RIF1: variants seen among roughly 807,000 people sequenced by gnomAD.
RIF1 encodes replication timing regulatory factor 1, also known as telomere-associated protein RIF1.
RIF1 carries 45 observed loss-of-function variants against 247.1 expected under a neutral mutation model. That is an observed-to-expected ratio of 0.18 (90% CI 0.14 to 0.23). The LOEUF is 0.23. Among genes scored for constraint, RIF1 ranks in the 10% least tolerant of loss-of-function variants. The probability of loss-of-function intolerance (pLI) is 1.00; values close to 1 mark genes in which losing one functional copy is unlikely to be tolerated. For missense variants in RIF1, 2,967 were observed against 2,862.5 expected, an observed-to-expected ratio of 1.04 and a Z score of -0.83; for synonymous variants, 1,087 against 978.8, an observed-to-expected ratio of 1.11 and a Z score of -2.06.
intron 15 of RIF1, 65 bp from the exon 16 acceptor site, chr2:151,441,840 A>G: frequency 1.4e-6 from 1 of 704,830 alleles, no homozygotes. Flanking sequence ...TATAGTTAAC[A>G]CTCAGATTTT....
At chr2:151,492,018 C>T in intron 9 of RIF1, 2 of 1,417,742 alleles carry the variant, frequency 1.4e-6, no homozygotes, top group South Asian at 2.5e-5. Context: ...TATGTTTTGA[C>T]TTGATGTAGG....
At chr2:151,473,152 T>C (rs1446066655) in intron 34 of RIF1, among the ~76,000 whole-genome samples, 1 of 152,214 alleles carries the variant, frequency 6.6e-6, no homozygotes, top group Non-Finnish European at 1.5e-5. Context: ...ATTTCATTTC[T>C]CTTGTATATA....
chr2:151,426,830 A>G (rs933255356), intron 8 of RIF1, among the ~76,000 whole-genome samples: 1 of 151,270 alleles, frequency 6.6e-6, no homozygotes, highest in Non-Finnish European at 1.5e-5. Context: ...TATTTTTAGT[A>G]GAGATGGGGT....
chr2:151,528,484 T>G, the RIF1 span, among the ~76,000 whole-genome samples: 1 of 152,228 alleles, frequency 6.6e-6, no homozygotes, highest in Non-Finnish European at 1.5e-5. Context: ...TACGTTTTAC[T>G]GCATTTGCTT....
intron 19 of RIF1, among the ~76,000 whole-genome samples, chr2:151,445,809 G>T (rs1371626131): frequency 2.6e-5 from 4 of 152,160 alleles, no homozygotes; most frequent in African/African-American, 9.7e-5. Context: ...AAAGTGCTGG[G>T]ATTACAGGCG....
intron 12 of RIF1, chr2:151,505,641 T>C: frequency 1.5e-6 from 2 of 1,298,276 alleles, no homozygotes; most frequent in Middle Eastern, 2.1e-4. Context: ...AACATGTACA[T>C]GTTTTTTGTA....
intron 24 of RIF1, among the ~76,000 whole-genome samples, chr2:151,458,607 T>G: frequency 6.6e-6 from 1 of 152,078 alleles, no homozygotes; most frequent in Non-Finnish European, 1.5e-5. Context: ...ATGATAAAAA[T>G]TTGGAATTCA....
Position 151,464,336 on chromosome 2 carries a change from G to A in RIF1, c.4816G>A (p.Ala1606Thr), listed in dbSNP as rs541812935. ...KAENQSHDYK[A>T]TSEEDVSIKS... ...TGAAAATCAGTCACATGATTATAAA[G>A]CAACTTCTGAAGAAGATGTAAGCAT... Residue 1606 changes from alanine (A) to threonine (T), a missense_variant, in exon 30 of 36, where the codon GCA becomes ACA. Physicochemically the swap from Ala to Thr is moderately conservative, Grantham distance 58. This residue lies in a region of RIF1 where 2,028 missense variants were observed against 1,825.6 expected (regional missense o/e 1.11). Transcript: ENST00000444746. 6.2e-7 allele frequency: 1 copy of A among 1,610,602 alleles called. No individual in the cohort carries two copies. Among genetic ancestry groups the A allele is most frequent in the South Asian group, 1.1e-5 (1 of 90,110 alleles).
chr2:151,455,169 T>G lies in RIF1; in HGVS notation c.2609+10T>G. ...TTTATGAAAACTCAAAGTAAGTATT[T>G]TGGACTAAGTAGCTTTGAATTAAAT... On this transcript the variant is annotated intron_variant, in intron 22 of 35. Coordinates refer to ENST00000444746, the MANE Select transcript of RIF1 (RefSeq NM_018151.5). 2 of 1,591,044 alleles carry G rather than the reference T, an allele frequency of 1.3e-6. No individual in the cohort carries two copies. The highest frequency in any genetic ancestry group is 1.7e-6 in the Non-Finnish European group (2 of 1,166,232).
rs1696662034 is a variant in RIF1, at chr2:151,464,764, G to A, written c.5244G>A (p.Gly1748=). Residue 1748 remains glycine, a synonymous_variant, in exon 30 of 36, where the codon GGG becomes GGA. Coordinates refer to ENST00000444746, the MANE Select transcript of RIF1 (RefSeq NM_018151.5). ...KSQPQEKSLI[G]LKNTENNDVE... is the part of the protein sequence containing the mutation. ...AACCTCAGGAAAAGTCACTCATTGG[G>A]TTAAAGAATACAGAAAATAATGACG... 6.2e-7 allele frequency: 1 copy of A among 1,613,918 alleles called. No homozygotes were observed. Among genetic ancestry groups the A allele is most frequent in the Non-Finnish European group, 8.5e-7 (1 of 1,179,932 alleles).
At position 151,464,893 on chromosome 2, in the gene RIF1, T is replaced by C. The variant is rs1468684787; in HGVS notation, c.5373T>C (p.His1791=). The part of the protein sequence containing the change: ...PYSEGQFLDE[H]HSVNFHLGLK... ...CTGAAGGACAATTTTTAGATGAACA[T>C]CATAGTGTGAATTTTCATTTGGGTC... The change falls in exon 30 of 36, where the codon CAT becomes CAC. Residue 1791 remains histidine (H), a synonymous_variant. Transcript: ENST00000444746. 1 of 1,586,378 alleles carries C rather than the reference T, an allele frequency of 6.3e-7. No homozygotes were observed. The highest frequency in any genetic ancestry group is 1.2e-5 in the South Asian group (1 of 85,488).
chr2:151,462,861 T>C (rs1024983076), intron 29 of RIF1, 23 bp from the exon 30 acceptor site: 1 of 1,482,888 alleles, frequency 6.7e-7, no homozygotes. Context: ...TGTGTGTATA[T>C]ATATGTATAT....
rs375624031 is a variant in RIF1 at position 151,410,477 on chromosome 2, C to G, written c.54C>G (p.Asp18Glu). ...CGCCGCTGTTGGAGACTTTGGAAGA[C>G]CCTTCTGCCTCCCATGGAGGGCAGA... ...PLAPLLETLE[D>E]PSASHGGQTD... is the part of the protein sequence containing the mutation. The change falls in exon 2 of 36, where the codon GAC becomes GAG. Residue 18 changes from aspartate to glutamate, a missense_variant. By Grantham distance (45) the Asp-to-Glu change is conservative. Transcript: ENST00000444746. 1 of 1,614,094 alleles carries G rather than the reference C, an allele frequency of 6.2e-7. No homozygotes were observed. Among genetic ancestry groups the G allele is most frequent in the Non-Finnish European group, 8.5e-7 (1 of 1,180,022 alleles).
At chr2:151,497,800 A>ACAGT (rs2061302378) in intron 10 of RIF1, 5 of 1,539,554 alleles carry the variant, frequency 3.2e-6, no homozygotes, top group East Asian at 2.4e-5. Context: ...AGGAAAAAAC[A>ACAGT]CAGTCATCCA....
rs147278852 is a variant in RIF1 at position 151,437,316 on chromosome 2, A to G, written c.1448A>G (p.His483Arg). The change falls in exon 13 of 36, where the codon CAT becomes CGT. Residue 483 changes from histidine (H) to arginine (R), a missense_variant. By Grantham distance (29) the His-to-Arg change is conservative. Around this residue, in one of 7 missense-constraint regions of RIF1, gnomAD observed 369 missense variants for 322.0 expected, o/e 1.15. Coordinates refer to ENST00000444746, the MANE Select transcript of RIF1 (RefSeq NM_018151.5). ...GCAAATACACTTATCACTGCTGTTC[A>G]TGATAGCTTTGTTGCAGTTGGAAAA... ...KHANTLITAVHDSFVAVGKDA... is the reference protein window; with the variant it reads ...KHANTLITAVRDSFVAVGKDA... The G allele has an allele frequency of 2.4e-5, 38 of 1,613,640 alleles. No homozygotes were observed. In the South Asian group the frequency reaches 3.2e-4, roughly 14 times the overall value.
chr2:151,463,565 A>G lies in RIF1; in HGVS notation c.4045A>G (p.Thr1349Ala). 3 of 1,614,002 alleles carry G rather than the reference A, an allele frequency of 1.9e-6. No individual in the cohort carries two copies. The highest frequency in any genetic ancestry group is 2.5e-6 in the Non-Finnish European group (3 of 1,179,988). ...TAATCAGGTTCATCTTTCTGAATCT[A>G]CAATGGAGCATGACAATACAAAGCT... is the stretch of plus-strand genomic sequence containing the variant. ...SDNQVHLSES[T>A]MEHDNTKLKA... The change falls in exon 30 of 36, where the codon ACA (threonine) becomes GCA (alanine). Residue 1349 changes from threonine to alanine, a missense_variant. Transcript: ENST00000444746.
At chr2:151,526,103 T>G in the RIF1 span, 3 of 1,612,022 alleles carry the variant, frequency 1.9e-6, no homozygotes, top group Admixed American at 5.0e-5. Flanking sequence ...TTAAGGCATC[T>G]GCCTGGGGCG....
intron 11 of RIF1, among the ~76,000 whole-genome samples, chr2:151,436,174 C>T (rs575292816): frequency 9.2e-5 from 14 of 151,870 alleles, no homozygotes; most frequent in African/African-American, 3.1e-4. Context: ...TGCAGTGAGC[C>T]GAGATCTCGC....
chr2:151,472,747 T>G (rs1268351693), intron 34 of RIF1, among the ~76,000 whole-genome samples: 2 of 152,240 alleles, frequency 1.3e-5, no homozygotes, highest in Non-Finnish European at 2.9e-5. Context: ...GATAAGCTTT[T>G]TGATGTGCTG....
Sources: gnomAD v4.1 joint callset for allele counts (sites outside exome capture counted in the v4.1 genomes callset) on GRCh38, gnomAD v4.1.1 for gene constraint, gnomAD v4.1.1 regional missense constraint, MANE v1.5 for transcripts, NCBI Gene and HGNC (gene_info 2026-07-23, HGNC 2026-07-21) for gene names.